The following ZMAT1 variants were observed in gnomAD, a reference collection of about 807,000 sequenced individuals.
ZMAT1 encodes zinc finger matrin-type protein 1.
A neutral mutation model predicts 18.5 loss-of-function variants in ZMAT1; 11 were observed. The observed-to-expected ratio is 0.59, with a 90% CI of 0.37 to 0.98. The LOEUF (loss-of-function observed/expected upper bound fraction) is 0.98. Ranked by LOEUF, ZMAT1 falls within the 50% of genes least tolerant of loss-of-function variation. The pLI, the probability that ZMAT1 is intolerant of heterozygous loss-of-function variation, is 0.01. For synonymous variants in ZMAT1, 211 were observed against 176.4 expected (o/e 1.20, Z -1.55); for missense variants, 525 against 496.2 (o/e 1.06, Z -0.55).
intron 1 of ZMAT1, among the ~76,000 whole-genome samples, chrX:101,906,725 A>T (rs1187698772): frequency 2.7e-5 from 3 of 109,456 alleles, no homozygotes; most frequent in Admixed American, 1.9e-4. Flanking sequence ...CTAGCCTCTA[A>T]GCTAGCCCTT....
At chrX:101,911,071 T>A (rs1416237542) in intron 1 of ZMAT1, among the ~76,000 whole-genome samples, 1 of 111,401 alleles carries the variant, frequency 9.0e-6, no homozygotes, top group Non-Finnish European at 1.9e-5. Context: ...AGCTCCAATA[T>A]GTCAGGCAGC....
At chrX:101,907,524 G>A (rs1265758585) in intron 1 of ZMAT1, among the ~76,000 whole-genome samples, 1 of 112,378 alleles carries the variant, frequency 8.9e-6, no homozygotes, top group African/African-American at 3.2e-5. Context: ...GTAAGGCAAT[G>A]AGAAACATGA....
Position 101,931,818 on chromosome X carries a change from C to A in ZMAT1, c.191G>T (p.Cys64Phe). The stretch of plus-strand genomic sequence containing the variant: ...AAAGCCGCCGCCGCCGCCGTCGCCA[C>A]AGCCACCGGCAGGCGGGCAGGCAGG... ...SAPACPPAGG[C>F]GDGGGGGFGG... The change falls in exon 1 of 6, where the codon TGT becomes TTT. Residue 64 changes from cysteine to phenylalanine, a missense_variant. By Grantham distance (205) the Cys-to-Phe change is radical (BLOSUM62 -2). Transcript: ENST00000651725. 1.3e-6 allele frequency: 1 copy of A among 783,649 alleles called. No homozygotes were observed. The highest frequency in any genetic ancestry group is 1.5e-6 in the Non-Finnish European group (1 of 660,298). 64.6% of individuals were successfully genotyped at this position (783,649 alleles called of 1,213,427 possible).
chrX:101,911,528 G>T, intron 1 of ZMAT1: 1 of 1,035,662 alleles, frequency 9.7e-7, no homozygotes, highest in African/African-American at 1.9e-5. Flanking sequence ...AAGTTAAAAA[G>T]TCACCTCACC....
chrX:101,883,827 G>A lies in ZMAT1; in HGVS notation c.1771C>T (p.His591Tyr), dbSNP rs1397746664. The A allele has an allele frequency of 8.3e-7, 1 of 1,209,077 alleles. No individual in the cohort carries two copies. The change falls in exon 6 of 6, where the codon CAT (histidine) becomes TAT (tyrosine). Residue 591 changes from histidine to tyrosine, a missense_variant. Coordinates refer to ENST00000651725, the MANE Select transcript of ZMAT1 (RefSeq NM_001394560.1). Reference sequence around the variant, plus strand: ...TTTCTCTTCTGATGTTTCCGTTTATGACCTGCTTGATGGTCAGCAGTATTG... The same window carrying A: ...TTTCTCTTCTGATGTTTCCGTTTATAACCTGCTTGATGGTCAGCAGTATTG... ...ENNTADHQAG[H>Y]KRKHQKRKRH...
intron 4 of ZMAT1, chrX:101,892,834 C>T (rs1272419840): frequency 2.1e-6 from 1 of 468,678 alleles, no homozygotes; most frequent in Admixed American, 9.1e-5. Flanking sequence ...CATATATAAA[C>T]AATAGCAGAT....
At chrX:101,925,423 G>C (rs950797487) in intron 1 of ZMAT1, among the ~76,000 whole-genome samples, 2 of 111,816 alleles carry the variant, frequency 1.8e-5, no homozygotes, top group African/African-American at 3.2e-5. Context: ...ATAATAATTT[G>C]TAATGGGGAG....
chrX:101,911,601 C>T, intron 1 of ZMAT1: 1 of 1,173,314 alleles, frequency 8.5e-7, no homozygotes, highest in Admixed American at 2.2e-5. Context: ...GCAAGGCATT[C>T]AGTCACAGCT....
intron 4 of ZMAT1, among the ~76,000 whole-genome samples, chrX:101,896,802 T>C (rs1256683583): frequency 4.5e-5 from 5 of 111,536 alleles, no homozygotes; most frequent in Non-Finnish European, 7.5e-5. Flanking sequence ...CTCTGCCATC[T>C]TGGGCAACTT....
At position 101,883,970 on chromosome X, in the gene ZMAT1, T is replaced by C; in HGVS notation, c.1628A>G (p.Gln543Arg). The C allele has an allele frequency of 8.3e-7, 1 of 1,211,006 alleles. No homozygotes were observed. The highest frequency in any genetic ancestry group is 1.1e-6 in the Non-Finnish European group (1 of 895,215). ...KQRLDSISYCQLTRDCFPEKP... is the reference protein window; with the variant it reads ...KQRLDSISYCRLTRDCFPEKP... ...TTCTGGGAAACAGTCTCTGGTGAGTTGACAGTAGCTAATAGAATCTAGTCT... is the reference window on the plus strand; with the variant it reads ...TTCTGGGAAACAGTCTCTGGTGAGTCGACAGTAGCTAATAGAATCTAGTCT... The change falls in exon 6 of 6, where the codon CAA (glutamine) becomes CGA (arginine). Residue 543 changes from glutamine (Q) to arginine (R), a missense_variant. By Grantham distance (43) the Gln-to-Arg change is conservative (BLOSUM62 1). Coordinates refer to ENST00000651725, the MANE Select transcript of ZMAT1 (RefSeq NM_001394560.1).
chrX:101,922,993 G>A (rs892136797), intron 1 of ZMAT1, among the ~76,000 whole-genome samples: 1 of 111,323 alleles, frequency 9.0e-6, no homozygotes, highest in African/African-American at 3.3e-5. Flanking sequence ...GACTGGGACA[G>A]GAACTAATGC....
At chrX:101,903,234 C>T (rs180733618) in intron 2 of ZMAT1, among the ~76,000 whole-genome samples, 86 of 111,308 alleles carry the variant, frequency 7.7e-4, no homozygotes, top group Non-Finnish European at 3.4e-4. Context: ...TCACTTAATT[C>T]TCACAAGTAT....
rs372836239 is a variant in ZMAT1, at chrX:101,900,163, A to T, written c.400-1943T>A. ...TTTTTGATGGGATTGCTTGTTTCTT[A>T]CTGATTTGTTTGAGTTTGTTGTAGA... On this transcript the variant is annotated intron_variant, in intron 2 of 5. Coordinates refer to ENST00000651725, the MANE Select transcript of ZMAT1 (RefSeq NM_001394560.1). Among the ~76,000 whole-genome samples, 3 of 110,799 alleles carry T rather than the reference A, an allele frequency of 2.7e-5. No homozygotes were observed. The East Asian group carries it at 8.5e-4, about 32-fold the overall frequency.
chrX:101,905,901 A>AAAAAC (rs1556300878), intron 1 of ZMAT1, among the ~76,000 whole-genome samples: 2 of 105,917 alleles, frequency 1.9e-5, no homozygotes, highest in African/African-American at 7.0e-5. Flanking sequence ...AAAAAAAAAA[A>AAAAAC]AAAACAAATA....
Position 101,884,494 on chromosome X carries a change from G to A in ZMAT1, c.1104C>T (p.Tyr368=). Reference sequence around the variant, plus strand: ...GTCCTCTGGCTTTCTGTACTTTGATGTAATCTTCAAGTTCATCTTGGAAAG... The same window carrying A: ...GTCCTCTGGCTTTCTGTACTTTGATATAATCTTCAAGTTCATCTTGGAAAG... ...YDSFQDELED[Y]IKVQKARGLD... The change falls in exon 6 of 6, where the codon TAC becomes TAT. Residue 368 remains tyrosine, a synonymous_variant. Coordinates refer to ENST00000651725, the MANE Select transcript of ZMAT1 (RefSeq NM_001394560.1). 8 of 1,211,166 alleles carry A rather than the reference G, an allele frequency of 6.6e-6. No individual in the cohort carries two copies. Among genetic ancestry groups the A allele is most frequent in the Non-Finnish European group, 8.9e-6 (8 of 895,126 alleles).
At chrX:101,911,730 C>T in intron 1 of ZMAT1, 1 of 1,208,560 alleles carries the variant, frequency 8.3e-7, no homozygotes, top group South Asian at 1.8e-5. Flanking sequence ...AGGATCCACA[C>T]AGGAGAGAAA....
chrX:101,884,060 T>G lies in ZMAT1; in HGVS notation c.1538A>C (p.Tyr513Ser). Reference sequence around the variant, plus strand: ...GTTTTCCACTACTTGTGAAATACTATATGGTCCTGAATAGGTCTGGAAAGT... The same window carrying G: ...GTTTTCCACTACTTGTGAAATACTAGATGGTCCTGAATAGGTCTGGAAAGT... ...CETFQTYSGP[Y>S]SISQVVENQL... Residue 513 changes from tyrosine (Y) to serine (S), a missense_variant, in exon 6 of 6, where the codon TAT (tyrosine) becomes TCT (serine). Transcript: ENST00000651725. The G allele has an allele frequency of 8.3e-7, 1 of 1,210,059 alleles. No individual in the cohort carries two copies. Among genetic ancestry groups the G allele is most frequent in the Non-Finnish European group, 1.1e-6 (1 of 895,248 alleles).
At chrX:101,885,570 GGTAA>G (rs1446502480) in intron 5 of ZMAT1, among the ~76,000 whole-genome samples, 1 of 110,454 alleles carries the variant, frequency 9.1e-6, no homozygotes, top group Non-Finnish European at 1.9e-5. Context: ...AGGTTAATTG[GGTAA>G]GTCAGACAAT....
In ZMAT1 at chrX:101,901,319, C is replaced by T. The variant is rs758855820; in HGVS notation, c.399+2905G>A. Among the ~76,000 whole-genome samples the T allele has an allele frequency of 1.6e-3, 181 of 110,959 alleles. 1 individual carries two copies. The highest frequency in any genetic ancestry group is 5.3e-3 in the African/African-American group (161 of 30,570). On this transcript the variant is annotated intron_variant, in intron 2 of 5. Transcript: ENST00000651725. The stretch of plus-strand genomic sequence containing the variant: ...CTTTATTTCTTTCTTTGTCTGATTG[C>T]TCTGGTTAGGAATTCCAGTACTATG...
Sources: gnomAD v4.1 joint callset for allele counts (sites outside exome capture counted in the v4.1 genomes callset) on GRCh38, gnomAD v4.1.1 for gene constraint, MANE v1.5 for transcripts, NCBI Gene and HGNC (gene_info 2026-07-23, HGNC 2026-07-21) for gene names.